Variants in IFT46 observed in about 807,000 individuals in gnomAD.
IFT46 encodes intraflagellar transport protein 46 homolog.
IFT46 carries 19 observed loss-of-function variants against 39.6 expected under a neutral mutation model. The ratio of observed to expected loss-of-function variants is 0.48; its 90% CI spans 0.33 to 0.70. IFT46 has a LOEUF of 0.70. Ranked by LOEUF, IFT46 falls within the 30% of genes least tolerant of loss-of-function variation. The pLI, the probability that IFT46 is intolerant of heterozygous loss-of-function variation, is 0.01. For missense variants in IFT46, 334 were observed against 364.8 expected, an observed-to-expected ratio of 0.92 and a Z score of 0.69; for synonymous variants, 117 against 134.8, an observed-to-expected ratio of 0.87 and a Z score of 0.91.
intron 6 of IFT46, 56 bp downstream of exon 6, chr11:118,554,934 A>G: frequency 8.1e-7 from 1 of 1,237,994 alleles, no homozygotes; most frequent in South Asian, 1.2e-5. Context: ...GTTAAGAGTA[A>G]CAGGGGCATC....
At chr11:118,568,931 C>T (rs1473066102), upstream of IFT46, among the ~76,000 whole-genome samples, 3 of 151,866 alleles carry the variant, frequency 2.0e-5, no homozygotes, top group African/African-American at 4.8e-5. Flanking sequence ...GCTGGGATTA[C>T]AGGCGTAAGC....
intron 2 of IFT46, chr11:118,561,627 T>G: frequency 2.3e-6 from 1 of 439,886 alleles, no homozygotes; most frequent in South Asian, 2.7e-5. Context: ...ACGATAAACA[T>G]ATGGACAGAA....
upstream of IFT46, among the ~76,000 whole-genome samples, chr11:118,575,030 G>A (rs573092941): frequency 1.4e-4 from 21 of 152,292 alleles, no homozygotes; most frequent in East Asian, 3.9e-3. Context: ...CCAGGCTGGA[G>A]TGCAGTGGCA....
chr11:118,555,184 G>C lies in IFT46; in HGVS notation c.260+64C>G, dbSNP rs546673640. The C allele has an allele frequency of 1.3e-4, 195 of 1,548,406 alleles. 1 individual carries two copies. The South Asian group carries it at 1.4e-3, about 11-fold the overall frequency. The stretch of plus-strand genomic sequence containing the variant: ...AGGGGAATGGCCCTGTTTCAGACTA[G>C]AGATAGGAAAGGTTTGGGGCAAGGT... On this transcript the variant is annotated intron_variant, in intron 5 of 11. Coordinates refer to ENST00000264021, the MANE Select transcript of IFT46 (RefSeq NM_001168618.2).
chr11:118,549,593 C>T (rs1428976380), intron 9 of IFT46, among the ~76,000 whole-genome samples: 4 of 147,240 alleles, frequency 2.7e-5, no homozygotes, highest in Admixed American at 6.9e-5. Flanking sequence ...GGCACGATCT[C>T]GGCTCACTGC....
At chr11:118,565,980 C>A (rs1938215709), upstream of IFT46, 1 of 152,156 alleles carries the variant, frequency 6.6e-6, no homozygotes, top group Admixed American at 6.5e-5. Flanking sequence ...AGACCTCCTG[C>A]GCGTTAAGCC....
chr11:118,560,175 A>C (rs1200073253), intron 2 of IFT46: 2 of 261,718 alleles, frequency 7.6e-6, no homozygotes, highest in Non-Finnish European at 7.2e-6. Flanking sequence ...CACTTTGGGA[A>C]GGGGAGGCAG....
At chr11:118,567,641 T>C (rs142500756), upstream of IFT46, among the ~76,000 whole-genome samples, 481 of 152,308 alleles carry the variant, frequency 3.2e-3, 3 homozygotes, top group African/African-American at 0.011. Flanking sequence ...CCTGAAAACC[T>C]ACCAGAGGTA....
intron 2 of IFT46, among the ~76,000 whole-genome samples, chr11:118,563,634 C>A (rs1314132465): frequency 6.6e-6 from 1 of 152,118 alleles, no homozygotes; most frequent in Non-Finnish European, 1.5e-5. Flanking sequence ...ACAGTCCATT[C>A]CACACACGAC....
chr11:118,572,385 T>C, intron 1 of IFT46: 1 of 161,554 alleles, frequency 6.2e-6, no homozygotes. Flanking sequence ...CCGCTTCCGG[T>C]TGAAGACGTG....
chr11:118,557,106 C>T, intron 3 of IFT46, 61 bp from the exon 4 acceptor site: 1 of 1,455,066 alleles, frequency 6.9e-7, no homozygotes, highest in Non-Finnish European at 9.2e-7. Context: ...GTACCTATGC[C>T]CAGTTCTCTA....
intron 3 of IFT46, chr11:118,557,520 T>C (rs888023105): frequency 1.4e-5 from 8 of 570,100 alleles, no homozygotes; most frequent in Non-Finnish European, 2.1e-5. Context: ...ATAAGCTGCT[T>C]GAAACTATCA....
At chr11:118,570,045 CTTTTTTTTTTTT>C (rs1162103875), upstream of IFT46, among the ~76,000 whole-genome samples, 1 of 113,550 alleles carries the variant, frequency 8.8e-6, no homozygotes, top group Non-Finnish European at 1.8e-5. Flanking sequence ...CCACGCCCAG[CTTTTTTTTTTTT>C]TTTTTTTTTT....
chr11:118,561,583 C>A, intron 2 of IFT46: 3 of 593,062 alleles, frequency 5.1e-6, no homozygotes, highest in East Asian at 2.9e-5. Flanking sequence ...AGAGCTAAAC[C>A]AAACAATTTT....
intron 1 of IFT46, 156 bp downstream of exon 1, chr11:118,565,634 T>C (rs1938203166): frequency 2.6e-5 from 4 of 152,528 alleles, no homozygotes; most frequent in African/African-American, 9.7e-5. Flanking sequence ...CTAAGTTTCT[T>C]GGGGGAATAA....
Position 118,551,805 on chromosome 11 carries a change from A to G in IFT46, c.653T>C (p.Phe218Ser). 2 of 1,614,190 alleles carry G rather than the reference A, an allele frequency of 1.2e-6. No individual in the cohort carries two copies. Among genetic ancestry groups the G allele is most frequent in the East Asian group, 2.2e-5 (1 of 44,894 alleles). The stretch of plus-strand genomic sequence containing the variant: ...ACTCACCTTGCCCAAAAGCTCTTCA[A>G]ACTCCGGGGACCATTCCTGCATCAG... ...DTLMQEWSPE[F>S]EELLGKVSLP... is the part of the protein sequence containing the mutation. Residue 218 changes from phenylalanine to serine, a missense_variant, in exon 9 of 12, where the codon TTT becomes TCT. Physicochemically the swap from Phe to Ser is radical, Grantham distance 155 (BLOSUM62 -2). Coordinates refer to ENST00000264021, the MANE Select transcript of IFT46 (RefSeq NM_001168618.2).
intron 9 of IFT46, among the ~76,000 whole-genome samples, chr11:118,547,760 T>TTTTTTTTTTC (rs1555067504): frequency 6.8e-6 from 1 of 147,530 alleles, no homozygotes. Flanking sequence ...TTTTTTTTTT[T>TTTTTTTTTTC]TTTTGAGACA....
chr11:118,564,532 G>A (rs531521491), intron 2 of IFT46, among the ~76,000 whole-genome samples: 66 of 152,166 alleles, frequency 4.3e-4, no homozygotes, highest in Middle Eastern at 3.4e-3. Flanking sequence ...GTAACATAGC[G>A]AGGCCTCGTC....
intron 7 of IFT46, 40 bp downstream of exon 7, chr11:118,554,419 G>A (rs1555069011): frequency 1.3e-6 from 2 of 1,549,426 alleles, no homozygotes; most frequent in African/African-American, 1.4e-5. Flanking sequence ...TCCACTCTTG[G>A]CCCTCTCCAG....
Sources: gnomAD v4.1 joint callset for allele counts (sites outside exome capture counted in the v4.1 genomes callset) on GRCh38, gnomAD v4.1.1 for gene constraint, MANE v1.5 for transcripts, NCBI Gene and HGNC (gene_info 2026-07-23, HGNC 2026-07-21) for gene names.